The following PCDHGC3 variants were observed in gnomAD, a reference collection of about 807,000 sequenced individuals.
PCDHGC3 encodes the protein protocadherin gamma subfamily C, 3.
In PCDHGC3, 26 loss-of-function variants were observed where a neutral mutation model predicts 59.2. The ratio of observed to expected loss-of-function variants is 0.44; its 90% CI spans 0.32 to 0.61. The LOEUF (loss-of-function observed/expected upper bound fraction) is 0.61, where lower values mean the gene tolerates loss of function less well. Ranked by LOEUF, PCDHGC3 falls within the 20% of genes least tolerant of loss-of-function variation. The pLI is 0.05. For missense variants in PCDHGC3, 1,080 were observed against 1,221.8 expected (o/e 0.88, Z 1.73); for synonymous variants, 487 against 519.7 (o/e 0.94, Z 0.86).
rs2099429383 is a variant in PCDHGC3 at position 141,478,050 on chromosome 5, C to G, written c.1934C>G (p.Thr645Arg). ...QDTDSPRQTL[T>R]VLIKDNGEPS... ...ACAGATTCACCCAGGCAGACTCTCA[C>G]GGTCTTGATCAAAGACAATGGGGAG... The change falls in exon 1 of 4, where the codon ACG (threonine) becomes AGG (arginine). Residue 645 changes from threonine to arginine, a missense_variant. Coordinates refer to ENST00000308177, the MANE Select transcript of PCDHGC3 (RefSeq NM_002588.4). 2 of 1,614,184 alleles carry G rather than the reference C, an allele frequency of 1.2e-6. No individual in the cohort carries two copies. Among genetic ancestry groups the G allele is most frequent in the South Asian group, 2.2e-5 (2 of 91,086 alleles).
chr5:141,500,345 A>G (rs1459262760), intron 2 of PCDHGC3, among the ~76,000 whole-genome samples: 3 of 151,916 alleles, frequency 2.0e-5, no homozygotes, highest in Non-Finnish European at 4.4e-5. Context: ...AATAGCTGGG[A>G]CTACAGGCGC....
intron 1 of PCDHGC3, among the ~76,000 whole-genome samples, chr5:141,488,553 T>C (rs2099676887): frequency 6.6e-6 from 1 of 152,166 alleles, no homozygotes; most frequent in South Asian, 2.1e-4. Flanking sequence ...TCAGCTGACA[T>C]TGAGATTTCC....
intron 3 of PCDHGC3, among the ~76,000 whole-genome samples, chr5:141,509,952 C>T (rs954730777): frequency 7.2e-5 from 11 of 152,186 alleles, no homozygotes; most frequent in African/African-American, 2.2e-4. Flanking sequence ...CAAATGCTAC[C>T]GGGTATGGCC....
At chr5:141,494,890 C>A (rs1483157263) in intron 2 of PCDHGC3, 25 bp downstream of exon 2, 1 of 1,614,120 alleles carries the variant, frequency 6.2e-7, no homozygotes. Context: ...CTCCAGCCCA[C>A]CCTCTTCTCT....
In PCDHGC3 at chr5:141,491,357, T is replaced by C; in HGVS notation, c.2431-3450T>C. 6.2e-7 allele frequency: 1 copy of C among 1,614,144 alleles called. No homozygotes were observed. Among genetic ancestry groups the C allele is most frequent in the South Asian group, 1.1e-5 (1 of 91,080 alleles). On this transcript the variant is annotated intron_variant, in intron 1 of 3. Transcript: ENST00000308177. This position sits in a 1 kb window ranked among gnomAD's most constrained non-coding sequence, Gnocchi z 6.9. ...CTAGCGACCGTCAGTCTCTTATCCCTAGTCACCTTCACCTTTCTGTCAGCG... is the reference window on the plus strand; with the variant it reads ...CTAGCGACCGTCAGTCTCTTATCCCCAGTCACCTTCACCTTTCTGTCAGCG...
At chr5:141,478,570 G>T (rs1255499966) in intron 1 of PCDHGC3, 24 bp downstream of exon 1, 1 of 1,590,156 alleles carries the variant, frequency 6.3e-7, no homozygotes, top group Admixed American at 1.8e-5. Context: ...AGTCATGCTT[G>T]ACCCTGTTAG....
At chr5:141,496,402 G>T (rs551923899) in intron 2 of PCDHGC3, among the ~76,000 whole-genome samples, 183 of 152,248 alleles carry the variant, frequency 1.2e-3, no homozygotes, top group African/African-American at 4.0e-3. Flanking sequence ...CCTCCTCAAT[G>T]GTTGAGTACT....
intron 2 of PCDHGC3, among the ~76,000 whole-genome samples, chr5:141,495,662 C>G (rs545912968): frequency 6.6e-6 from 1 of 152,138 alleles, no homozygotes; most frequent in Admixed American, 6.6e-5. Flanking sequence ...TGATCTGTGC[C>G]GCCCACTGTG....
Position 141,485,784 on chromosome 5 carries a change from A to G in PCDHGC3, c.2430+7238A>G, listed in dbSNP as rs760859851. The G allele has an allele frequency of 1.9e-6, 3 of 1,614,096 alleles. No individual in the cohort carries two copies. The African/African-American group carries it at 4.0e-5, about 22-fold the overall frequency. On this transcript the variant is annotated intron_variant, in intron 1 of 3. Transcript: ENST00000308177. This position sits in a 1 kb window ranked among gnomAD's most constrained non-coding sequence, Gnocchi z 5.7. Reference sequence around the variant, plus strand: ...CTGGAGAAGCCTTTGGATCGAGAGAAGCAATCGGACTACCGCCTGGTGCTG... The same window carrying G: ...CTGGAGAAGCCTTTGGATCGAGAGAGGCAATCGGACTACCGCCTGGTGCTG...
intron 2 of PCDHGC3, among the ~76,000 whole-genome samples, chr5:141,500,259 A>G (rs1595658540): frequency 6.6e-6 from 1 of 151,044 alleles, no homozygotes; most frequent in East Asian, 2.0e-4. Context: ...CCCAGGCTGG[A>G]CTGCAGTGGC....
intron 2 of PCDHGC3, 76 bp from the exon 3 acceptor site, chr5:141,505,317 G>T: frequency 6.2e-7 from 1 of 1,603,092 alleles, no homozygotes. Flanking sequence ...AGGTTTGGGA[G>T]CCCTGGGAGA....
chr5:141,492,870 C>G (rs2099744684), intron 1 of PCDHGC3, among the ~76,000 whole-genome samples: 1 of 152,192 alleles, frequency 6.6e-6, no homozygotes, highest in African/African-American at 2.4e-5. Flanking sequence ...TGGCTCTCAA[C>G]CCCCAGAGAT....
At chr5:141,499,244 CAA>C (rs1191956146) in intron 2 of PCDHGC3, among the ~76,000 whole-genome samples, 1 of 152,090 alleles carries the variant, frequency 6.6e-6, no homozygotes, top group Non-Finnish European at 1.5e-5. Flanking sequence ...AGCCTCTGCA[CAA>C]AGAGTCTCCA....
Position 141,490,027 on chromosome 5 carries a change from CG to C in PCDHGC3, c.2431-4779del. The C allele has an allele frequency of 6.2e-7, 1 of 1,614,214 alleles. No individual in the cohort carries two copies. Among genetic ancestry groups the C allele is most frequent in the Admixed American group, 1.7e-5 (1 of 60,032 alleles). On this transcript the variant is annotated intron_variant, in intron 1 of 3. Transcript: ENST00000308177. The surrounding 1 kb of genome is among the most constrained non-coding windows in gnomAD (Gnocchi z 5.4). Reference sequence around the variant, plus strand: ...TGCACCCATTGGTACTCTGCTGCTCCGCCTCAATGCCACTGATCCAGACGAG... The same window carrying C: ...TGCACCCATTGGTACTCTGCTGCTCCCCTCAATGCCACTGATCCAGACGAG...
At position 141,511,563 on chromosome 5, in the gene PCDHGC3, C is replaced by T. The variant is rs911782127; in HGVS notation, c.*390C>T. ...CCCCACTCCAACAGTTCCTCTTTCCCGAGTAAGGTGGTTGGGGTGTTGAAG... is the reference window on the plus strand; with the variant it reads ...CCCCACTCCAACAGTTCCTCTTTCCTGAGTAAGGTGGTTGGGGTGTTGAAG... On this transcript the variant is annotated 3_prime_UTR_variant, in exon 4 of 4. Coordinates refer to ENST00000308177, the MANE Select transcript of PCDHGC3 (RefSeq NM_002588.4). The T allele has an allele frequency of 7.8e-5, 23 of 295,048 alleles. No homozygotes were observed. The highest frequency in any genetic ancestry group is 3.4e-4 in the African/African-American group (16 of 46,532). The allele number at this position is 295,048 out of a possible 1,614,324, so 18.3% of individuals were successfully genotyped here. A position where few individuals can be genotyped will look rare whatever the true frequency, so the allele number is the denominator to read the frequency against.
chr5:141,478,354 C>T lies in PCDHGC3; in HGVS notation c.2238C>T (p.Ala746=), dbSNP rs141625672. The change falls in exon 1 of 4, where the codon GCC becomes GCT. Residue 746 remains alanine, a synonymous_variant. Coordinates refer to ENST00000308177, the MANE Select transcript of PCDHGC3 (RefSeq NM_002588.4). ...CAGGGCCCTCCTTGCACGCGGACGC[C>T]GTGCGGGGAGGCCTGATGTCGCCGC... The part of the protein sequence containing the change: ...RTPGPSLHAD[A]VRGGLMSPHL... The T allele has an allele frequency of 1.2e-6, 2 of 1,613,778 alleles. No homozygotes were observed. Among genetic ancestry groups the T allele is most frequent in the Non-Finnish European group, 8.5e-7 (1 of 1,180,012 alleles).
chr5:141,478,346 G>A lies in PCDHGC3; in HGVS notation c.2230G>A (p.Ala744Thr). The change falls in exon 1 of 4, where the codon GCG becomes ACG. Residue 744 changes from alanine to threonine, a missense_variant. Ala to Thr is a moderately conservative substitution (Grantham distance 58, BLOSUM62 0). Coordinates refer to ENST00000308177, the MANE Select transcript of PCDHGC3 (RefSeq NM_002588.4). ...LYRTPGPSLH[A>T]DAVRGGLMSP... is the part of the protein sequence containing the mutation. ...CCGAACACCAGGGCCCTCCTTGCAC[G>A]CGGACGCCGTGCGGGGAGGCCTGAT... The A allele has an allele frequency of 6.2e-7, 1 of 1,613,794 alleles. No individual in the cohort carries two copies. The highest frequency in any genetic ancestry group is 1.3e-5 in the African/African-American group (1 of 75,058).
At chr5:141,483,918 T>G (rs2099588800) in intron 1 of PCDHGC3, among the ~76,000 whole-genome samples, 1 of 150,512 alleles carries the variant, frequency 6.6e-6, no homozygotes, top group Non-Finnish European at 1.5e-5. Flanking sequence ...CCACTCAGAT[T>G]GCAGGTCGTA....
intron 2 of PCDHGC3, among the ~76,000 whole-genome samples, chr5:141,500,421 G>A (rs1247202322): frequency 6.6e-6 from 1 of 151,852 alleles, no homozygotes; most frequent in Non-Finnish European, 1.5e-5. Flanking sequence ...GTGTTAGCCA[G>A]GATGGTCTCG....
Sources: gnomAD v4.1 joint callset for allele counts (sites outside exome capture counted in the v4.1 genomes callset) on GRCh38, gnomAD v4.1.1 for gene constraint, Gnocchi (gnomAD v3.1) non-coding constraint, MANE v1.5 for transcripts, NCBI Gene and HGNC (gene_info 2026-07-23, HGNC 2026-07-21) for gene names.